The following CDH13 variants were observed in gnomAD, a reference collection of about 807,000 sequenced individuals.
CDH13 encodes cadherin 13.
In CDH13, 24 loss-of-function variants were observed where a neutral mutation model predicts 63.8. The ratio of observed to expected loss-of-function variants is 0.38; its 90% CI spans 0.27 to 0.53. The LOEUF (loss-of-function observed/expected upper bound fraction) is 0.53. Among genes scored for constraint, CDH13 ranks in the 20% least tolerant of loss-of-function variants. CDH13 has a pLI of 0.85. For synonymous variants in CDH13, 503 were observed against 355.3 expected, an observed-to-expected ratio of 1.42 and a Z score of -4.67; for missense variants, 1,049 against 903.1, an observed-to-expected ratio of 1.16 and a Z score of -2.07.
At chr16:82,880,823 A>G (rs2040677488) in intron 2 of CDH13, among the ~76,000 whole-genome samples, 1 of 152,202 alleles carries the variant, frequency 6.6e-6, no homozygotes, top group Non-Finnish European at 1.5e-5. Flanking sequence ...TCTTTAAGAA[A>G]ATTTAGATAC....
At chr16:83,099,507 A>G (rs2034368513) in intron 3 of CDH13, among the ~76,000 whole-genome samples, 1 of 151,666 alleles carries the variant, frequency 6.6e-6, no homozygotes, top group African/African-American at 2.4e-5. Flanking sequence ...CATTTTTAGT[A>G]GAGACAGGGT....
At chr16:83,127,642 A>G (rs1205708198) in intron 4 of CDH13, among the ~76,000 whole-genome samples, 1 of 152,084 alleles carries the variant, frequency 6.6e-6, no homozygotes, top group Non-Finnish European at 1.5e-5. Context: ...CAAGAGAACC[A>G]CTTGAACCCA....
At chr16:83,536,192 G>A (rs1453979502) in intron 7 of CDH13, among the ~76,000 whole-genome samples, 2 of 152,190 alleles carry the variant, frequency 1.3e-5, no homozygotes, top group African/African-American at 4.8e-5. Flanking sequence ...GGCTATGGGG[G>A]AAAAATGAGT....
chr16:83,772,829 C>G (rs1305792297), intron 11 of CDH13: 2 of 152,278 alleles, frequency 1.3e-5, no homozygotes, highest in Non-Finnish European at 2.9e-5. Context: ...ACAACCAGAT[C>G]CCCTGCAGTT....
intron 2 of CDH13, among the ~76,000 whole-genome samples, chr16:82,933,125 T>G (rs1402140748): frequency 1.3e-5 from 2 of 152,234 alleles, no homozygotes; most frequent in East Asian, 1.9e-4. Context: ...AGTTACATGT[T>G]GTATTAGTCC....
chr16:82,705,468 C>T (rs570695667), intron 1 of CDH13, among the ~76,000 whole-genome samples: 201 of 152,294 alleles, frequency 1.3e-3, no homozygotes, highest in African/African-American at 4.7e-3. Context: ...TTCCTGCATC[C>T]GTCCCCATCT....
intron 5 of CDH13, among the ~76,000 whole-genome samples, chr16:83,271,283 G>A (rs567873693): frequency 6.6e-6 from 1 of 151,480 alleles, no homozygotes; most frequent in South Asian, 2.1e-4. Context: ...TGTATTTCCA[G>A]TAATGTGGGT....
chr16:82,719,043 G>C (rs1234683386), intron 1 of CDH13, among the ~76,000 whole-genome samples: 1 of 152,152 alleles, frequency 6.6e-6, no homozygotes, highest in Non-Finnish European at 1.5e-5. Context: ...TTCACACTGA[G>C]GTCAATATCT....
At chr16:83,245,258 T>G (rs1904876585) in intron 5 of CDH13, among the ~76,000 whole-genome samples, 1 of 152,202 alleles carries the variant, frequency 6.6e-6, no homozygotes, top group Admixed American at 6.5e-5. Flanking sequence ...CTTAGAAGAT[T>G]TTTGCTTTGT....
In CDH13 at chr16:83,780,152, C is replaced by T. The variant is rs747520755; in HGVS notation, c.1866C>T (p.Ile622=). The change falls in exon 12 of 14, where the codon ATC becomes ATT. Residue 622 remains isoleucine (I), a synonymous_variant. Transcript: ENST00000567109. Reference sequence around the variant, plus strand: ...ATACAGATCCTTTCAAATTTGAAATCCACAAACAAGCTGTTCCTGATAAAG... The same window carrying T: ...ATACAGATCCTTTCAAATTTGAAATTCACAAACAAGCTGTTCCTGATAAAG... ...HPNTDPFKFE[I]HKQAVPDKVW... The T allele has an allele frequency of 4.3e-6, 7 of 1,611,428 alleles. No individual in the cohort carries two copies. The Admixed American group carries it at 1.2e-4, about 27-fold the overall frequency.
intron 5 of CDH13, among the ~76,000 whole-genome samples, chr16:83,290,881 GT>G (rs1320617762): frequency 6.6e-6 from 1 of 151,992 alleles, no homozygotes; most frequent in Non-Finnish European, 1.5e-5. Context: ...TGCCTAGAAT[GT>G]TTTTTTCCCA....
At chr16:83,445,233 G>GTTTATAAAAGCA (rs760760369) in intron 6 of CDH13, among the ~76,000 whole-genome samples, 1 of 139,196 alleles carries the variant, frequency 7.2e-6, no homozygotes, top group Non-Finnish European at 1.6e-5. Context: ...GGCTGCGAGA[G>GTTTATAAAAGCA]TTTATAATTT....
intron 2 of CDH13, among the ~76,000 whole-genome samples, chr16:82,892,728 T>A (rs1402524752): frequency 6.6e-6 from 1 of 152,206 alleles, no homozygotes; most frequent in Non-Finnish European, 1.5e-5. Context: ...TGCTCAGTGT[T>A]TTTCTTCTTT....
intron 10 of CDH13, among the ~76,000 whole-genome samples, chr16:83,693,912 A>G (rs1905132389): frequency 6.6e-6 from 1 of 152,242 alleles, no homozygotes; most frequent in African/African-American, 2.4e-5. Context: ...CAAGTTTAGG[A>G]TCTGGTTGAA....
chr16:83,172,257 G>A (rs567161351), intron 4 of CDH13, among the ~76,000 whole-genome samples: 7 of 152,232 alleles, frequency 4.6e-5, no homozygotes, highest in African/African-American at 1.2e-4. Flanking sequence ...TTGGGAGGCC[G>A]AGGCAGGCAG....
At chr16:83,724,258 A>C (rs1452658160) in intron 10 of CDH13, among the ~76,000 whole-genome samples, 3 of 150,152 alleles carry the variant, frequency 2.0e-5, no homozygotes, top group Admixed American at 6.6e-5. Context: ...GTGGATGATG[A>C]ATGCATGGGT....
chr16:82,728,263 A>G (rs2033207425), intron 1 of CDH13, among the ~76,000 whole-genome samples: 1 of 152,128 alleles, frequency 6.6e-6, no homozygotes, highest in Non-Finnish European at 1.5e-5. Flanking sequence ...ATTTCTTGTA[A>G]AAATAAATAC....
At chr16:83,062,543 G>T (rs1041672461) in intron 3 of CDH13, among the ~76,000 whole-genome samples, 1 of 152,158 alleles carries the variant, frequency 6.6e-6, no homozygotes, top group African/African-American at 2.4e-5. Flanking sequence ...AGTGACAGAG[G>T]ATGGAAGTTC....
At chr16:83,766,695 G>A (rs1914412058) in intron 11 of CDH13, among the ~76,000 whole-genome samples, 1 of 152,188 alleles carries the variant, frequency 6.6e-6, no homozygotes, top group Non-Finnish European at 1.5e-5. Context: ...CTAACATTCT[G>A]TGCCTATGAA....
Sources: gnomAD v4.1 joint callset for allele counts (sites outside exome capture counted in the v4.1 genomes callset) on GRCh38, gnomAD v4.1.1 for gene constraint, MANE v1.5 for transcripts, NCBI Gene and HGNC (gene_info 2026-07-23, HGNC 2026-07-21) for gene names.